The following CCBE1 variants were observed in gnomAD, a reference collection of about 807,000 sequenced individuals.
CCBE1 encodes the protein collagen and calcium-binding EGF domain-containing protein 1.
A neutral mutation model predicts 50.0 loss-of-function variants in CCBE1; 37 were observed. The ratio of observed to expected loss-of-function variants is 0.74; its 90% CI spans 0.57 to 0.97. The LOEUF (loss-of-function observed/expected upper bound fraction) is 0.97, where lower values mean the gene tolerates loss of function less well. Among genes scored for constraint, CCBE1 ranks in the 50% least tolerant of loss-of-function variants. The pLI, the probability that CCBE1 is intolerant of heterozygous loss-of-function variation, is 0.00. For synonymous variants in CCBE1, 234 were observed against 203.7 expected, an observed-to-expected ratio of 1.15 and a Z score of -1.27; for missense variants, 538 against 523.8, an observed-to-expected ratio of 1.03 and a Z score of -0.26.
chr18:59,498,557 A>G (rs997491715), intron 2 of CCBE1, among the ~76,000 whole-genome samples: 7 of 152,242 alleles, frequency 4.6e-5, no homozygotes, highest in African/African-American at 1.7e-4. Flanking sequence ...AAAGAGTTAG[A>G]GCTTGAGTTT....
chr18:59,664,865 T>C (rs948852503), intron 2 of CCBE1, among the ~76,000 whole-genome samples: 6 of 152,192 alleles, frequency 3.9e-5, no homozygotes, highest in African/African-American at 1.2e-4. Flanking sequence ...AGGCAAATGC[T>C]GGCACTGTCT....
intron 2 of CCBE1, among the ~76,000 whole-genome samples, chr18:59,512,802 G>A (rs1284917109): frequency 1.3e-5 from 2 of 152,222 alleles, no homozygotes; most frequent in Admixed American, 6.5e-5. Flanking sequence ...GTAAGACAAA[G>A]AGCAGGCCCA....
At chr18:59,599,208 G>T (rs958726334) in intron 2 of CCBE1, among the ~76,000 whole-genome samples, 2 of 152,102 alleles carry the variant, frequency 1.3e-5, no homozygotes, top group African/African-American at 4.8e-5. Flanking sequence ...GAGGAAGAAA[G>T]GAGAGATGAA....
chr18:59,565,916 C>T (rs376670135), intron 2 of CCBE1, among the ~76,000 whole-genome samples: 36 of 152,240 alleles, frequency 2.4e-4, no homozygotes, highest in East Asian at 1.7e-3. Context: ...CAGGCTGTTA[C>T]GTCAGGGCTC....
chr18:59,462,245 T>C (rs1425049709), intron 5 of CCBE1, among the ~76,000 whole-genome samples: 1 of 152,164 alleles, frequency 6.6e-6, no homozygotes, highest in Non-Finnish European at 1.5e-5. Context: ...GGCCGCTTCA[T>C]CTGCTGATAT....
chr18:59,633,879 T>C (rs568862743), intron 2 of CCBE1, among the ~76,000 whole-genome samples: 1 of 152,316 alleles, frequency 6.6e-6, no homozygotes, highest in South Asian at 2.1e-4. Context: ...AAAGGTGATA[T>C]CTTGACTTAA....
At chr18:59,676,360 C>A (rs989112629) in intron 2 of CCBE1, among the ~76,000 whole-genome samples, 1 of 152,220 alleles carries the variant, frequency 6.6e-6, no homozygotes, top group Admixed American at 6.5e-5. Flanking sequence ...CCACCCATGG[C>A]AAGTCTATGG....
chr18:59,537,912 C>G (rs984180366), intron 2 of CCBE1, among the ~76,000 whole-genome samples: 1 of 152,162 alleles, frequency 6.6e-6, no homozygotes, highest in African/African-American at 2.4e-5. Context: ...GAGATAATAA[C>G]AGTGCTTATT....
intron 2 of CCBE1, among the ~76,000 whole-genome samples, chr18:59,663,684 T>C (rs2054315849): frequency 1.3e-5 from 2 of 151,994 alleles, no homozygotes; most frequent in African/African-American, 4.8e-5. Flanking sequence ...AGGAAGACAA[T>C]TCAGAGGCTG....
Position 59,435,884 on chromosome 18 carries a change from T to C in CCBE1, c.*24A>G, listed in dbSNP as rs1464005708. 3 of 1,596,226 alleles carry C rather than the reference T, an allele frequency of 1.9e-6. No homozygotes were observed. The Admixed American group carries it at 5.0e-5, about 27-fold the overall frequency. On this transcript the variant is annotated 3_prime_UTR_variant, in exon 11 of 11. Transcript: ENST00000439986. ...CAGGTGAGTTGATCTTTCTCTTCCTTTGGCGTGACGGTGTTGGGATGTGCT... is the reference window on the plus strand; with the variant it reads ...CAGGTGAGTTGATCTTTCTCTTCCTCTGGCGTGACGGTGTTGGGATGTGCT...
At chr18:59,621,306 A>G (rs1008171104) in intron 2 of CCBE1, among the ~76,000 whole-genome samples, 2 of 152,196 alleles carry the variant, frequency 1.3e-5, no homozygotes, top group Non-Finnish European at 2.9e-5. Context: ...ATCAGGCAAG[A>G]TGAATCAGTC....
intron 2 of CCBE1, among the ~76,000 whole-genome samples, chr18:59,669,824 C>G (rs2054408097): frequency 6.6e-6 from 1 of 152,184 alleles, no homozygotes; most frequent in Non-Finnish European, 1.5e-5. Flanking sequence ...GATAGATTAA[C>G]TATATCTGGC....
At chr18:59,691,948 A>G (rs2054738810) in intron 2 of CCBE1, among the ~76,000 whole-genome samples, 1 of 152,140 alleles carries the variant, frequency 6.6e-6, no homozygotes, top group Admixed American at 6.6e-5. Context: ...TTCAAGTTCT[A>G]GTTCAGGCTA....
chr18:59,671,882 G>T (rs1186293804), intron 2 of CCBE1, among the ~76,000 whole-genome samples: 1 of 151,968 alleles, frequency 6.6e-6, no homozygotes, highest in East Asian at 1.9e-4. Flanking sequence ...AAAAATGCTG[G>T]CTCTAGTGGC....
chr18:59,517,617 G>T (rs916278617), intron 2 of CCBE1, among the ~76,000 whole-genome samples: 5 of 152,096 alleles, frequency 3.3e-5, no homozygotes, highest in African/African-American at 1.2e-4. Context: ...TAAGCCTAAG[G>T]GTGTCTAAAT....
At chr18:59,668,479 T>A (rs775131360) in intron 2 of CCBE1, among the ~76,000 whole-genome samples, 13 of 152,048 alleles carry the variant, frequency 8.5e-5, no homozygotes, top group Non-Finnish European at 1.5e-4. Context: ...TAAAAATGAA[T>A]ATATATTTCA....
At chr18:59,498,131 A>G (rs1273838550) in intron 2 of CCBE1, among the ~76,000 whole-genome samples, 1 of 152,156 alleles carries the variant, frequency 6.6e-6, no homozygotes, top group African/African-American at 2.4e-5. Flanking sequence ...AACTCCAGGT[A>G]TCCCAATTAC....
chr18:59,475,760 C>A (rs1163313251), intron 3 of CCBE1, among the ~76,000 whole-genome samples: 1 of 152,096 alleles, frequency 6.6e-6, no homozygotes, highest in Non-Finnish European at 1.5e-5. Context: ...TTCTGTCACC[C>A]AGGCTGGAGT....
intron 2 of CCBE1, among the ~76,000 whole-genome samples, chr18:59,601,160 T>C (rs1175756092): frequency 1.3e-5 from 2 of 151,662 alleles, no homozygotes; most frequent in Non-Finnish European, 2.9e-5. Flanking sequence ...GCCTCTTGAG[T>C]AGCTGGGACT....
Sources: allele counts gnomAD v4.1 joint callset (sites outside exome capture counted in the v4.1 genomes callset), GRCh38; gene constraint gnomAD v4.1.1; transcripts MANE v1.5; gene names NCBI Gene and HGNC (gene_info 2026-07-23, HGNC 2026-07-21).